The following ZNF483 variants were observed in gnomAD, a reference collection of about 807,000 sequenced individuals.
ZNF483 encodes zinc finger protein HIT-10.
In ZNF483, 9 loss-of-function variants were observed where a neutral mutation model predicts 28.6. The observed-to-expected ratio is 0.32, with a 90% confidence interval of 0.19 to 0.55. The LOEUF (loss-of-function observed/expected upper bound fraction) is 0.55, where lower values mean the gene tolerates loss of function less well. Ranked by LOEUF, ZNF483 falls within the 20% of genes least tolerant of loss-of-function variation. The pLI is 0.93. For synonymous variants in ZNF483, 322 were observed against 306.2 expected (o/e 1.05, Z -0.54); for missense variants, 675 against 871.7 (o/e 0.77, Z 2.84).
rs149050624 is a variant in ZNF483 at position 111,544,242 on chromosome 9, A to G, written c.*1072A>G. The G allele has an allele frequency of 3.4e-3, 3,319 of 985,420 alleles. 8 individuals are homozygous for G. The highest frequency in any genetic ancestry group is 3.8e-3 in the Non-Finnish European group (3,157 of 829,932). 61.0% of individuals were successfully genotyped at this position (985,420 alleles called of 1,614,324 possible). On this transcript the variant is annotated 3_prime_UTR_variant, in exon 6 of 6. Coordinates refer to ENST00000309235, the MANE Select transcript of ZNF483 (RefSeq NM_133464.5). Reference sequence around the variant, plus strand: ...TTTTGGTTTGCAAAAATTCTACTTTAAAACAATTTTGCCTGTAGCAAGTAC... The same window carrying G: ...TTTTGGTTTGCAAAAATTCTACTTTGAAACAATTTTGCCTGTAGCAAGTAC...
rs762961521 is a variant in ZNF483 at position 111,542,186 on chromosome 9, G to A, written c.1251G>A (p.Arg417=). 11 of 1,613,934 alleles carry A rather than the reference G, an allele frequency of 6.8e-6. No homozygotes were observed. The highest frequency in any genetic ancestry group is 4.4e-5 in the South Asian group (4 of 91,084). The change falls in exon 6 of 6, where the codon CGG becomes CGA. Residue 417 remains arginine (R), a synonymous_variant. Coordinates refer to ENST00000309235, the MANE Select transcript of ZNF483 (RefSeq NM_133464.5). This position sits in a 1 kb window ranked among gnomAD's most constrained non-coding sequence, Gnocchi z 6.2. ...AAACCCCTATGTGTGAGAAATGTCG[G>A]AAAGATTCATGTCAAGAAGCAGCCT... ...RRKTPMCEKC[R]KDSCQEAALN... is the part of the protein sequence containing the mutation.
intron 5 of ZNF483, among the ~76,000 whole-genome samples, chr9:111,571,426 TAAAC>T (rs1205672304): frequency 6.7e-6 from 1 of 149,418 alleles, no homozygotes; most frequent in Non-Finnish European, 1.5e-5. Flanking sequence ...AAAAAAGAAG[TAAAC>T]AAACAAAAGA....
chr9:111,533,112 T>C (rs548622431), intron 3 of ZNF483, among the ~76,000 whole-genome samples: 1 of 152,326 alleles, frequency 6.6e-6, no homozygotes, highest in African/African-American at 2.4e-5. Flanking sequence ...TGTAGTAAGC[T>C]TACATTAATT....
chr9:111,533,735 C>A lies in ZNF483; in HGVS notation c.502-4C>A. On this transcript the variant is annotated splice_region_variant and splice_polypyrimidine_tract_variant and intron_variant, in intron 3 of 5. Coordinates refer to ENST00000309235, the MANE Select transcript of ZNF483 (RefSeq NM_133464.5). ...CAATACAAAAGAGCTGTTTGGTGTT[C>A]TAGGAATCTATAACATTGAAGGATG... is the stretch of plus-strand genomic sequence containing the variant. 6.4e-7 allele frequency: 1 copy of A among 1,552,992 alleles called. No individual in the cohort carries two copies.
At position 111,542,172 on chromosome 9, in the gene ZNF483, T is replaced by G; in HGVS notation, c.1237T>G (p.Cys413Gly). 6.2e-7 allele frequency: 1 copy of G among 1,614,004 alleles called. No individual in the cohort carries two copies. Residue 413 changes from cysteine to glycine, a missense_variant, in exon 6 of 6, where the codon TGT becomes GGT. Physicochemically the swap from Cys to Gly is radical, Grantham distance 159. Transcript: ENST00000309235. This position sits in a 1 kb window ranked among gnomAD's most constrained non-coding sequence, Gnocchi z 6.2. Reference protein sequence around the residue: ...STLSRRKTPMCEKCRKDSCQE... With the variant: ...STLSRRKTPMGEKCRKDSCQE... ...TCTTTCTAGGAGAAAAACCCCTATG[T>G]GTGAGAAATGTCGGAAAGATTCATG...
intron 2 of ZNF483, among the ~76,000 whole-genome samples, chr9:111,528,466 T>A (rs1383227828): frequency 1.3e-5 from 2 of 152,222 alleles, no homozygotes; most frequent in African/African-American, 4.8e-5. Context: ...TACGGTGATA[T>A]CATTATAAAA....
chr9:111,547,275 G>A lies in ZNF483; in HGVS notation c.*4105G>A, dbSNP rs1269179462. On this transcript the variant is annotated 3_prime_UTR_variant, in exon 6 of 6. Coordinates refer to ENST00000309235, the MANE Select transcript of ZNF483 (RefSeq NM_133464.5). Reference sequence around the variant, plus strand: ...TTAAATTCCCACCAGCTATGTACAAGGGTTTCAGTATCCCCGCCCTTGCTA... The same window carrying A: ...TTAAATTCCCACCAGCTATGTACAAAGGTTTCAGTATCCCCGCCCTTGCTA... Among the ~76,000 whole-genome samples, 1 of 152,048 alleles carries A rather than the reference G, an allele frequency of 6.6e-6. No homozygotes were observed. Among genetic ancestry groups the A allele is most frequent in the African/African-American group, 2.4e-5 (1 of 41,428 alleles).
At chr9:111,576,228 G>GA (rs1829048222) in intron 5 of ZNF483, 2 of 817,054 alleles carry the variant, frequency 2.4e-6, no homozygotes, top group African/African-American at 3.5e-5. Context: ...CACTGAATAG[G>GA]AAAAAATATT....
At position 111,554,336 on chromosome 9, in the gene ZNF483, G is replaced by A. The variant is rs1589284276; in HGVS notation, c.*11166G>A. Among the ~76,000 whole-genome samples, 1 of 152,268 alleles carries A rather than the reference G, an allele frequency of 6.6e-6. No individual in the cohort carries two copies. On this transcript the variant is annotated 3_prime_UTR_variant, in exon 6 of 6. Coordinates refer to ENST00000309235, the MANE Select transcript of ZNF483 (RefSeq NM_133464.5). The stretch of plus-strand genomic sequence containing the variant: ...CACTTCTACTCTTCCGTTGCCCAGA[G>A]ATCAATCATATAACCCTAACCTAAC...
chr9:111,535,981 G>T (rs1347145681), intron 5 of ZNF483, among the ~76,000 whole-genome samples: 1 of 149,268 alleles, frequency 6.7e-6, no homozygotes. Context: ...CTGCCTCCTG[G>T]GTTCAAGCAA....
chr9:111,574,714 C>G (rs1453689329), intron 5 of ZNF483: 2 of 1,555,910 alleles, frequency 1.3e-6, no homozygotes, highest in East Asian at 4.6e-5. Flanking sequence ...CATATGGGAT[C>G]GTGTGCATGT....
chr9:111,570,261 G>A (rs965581152), intron 5 of ZNF483: 4 of 1,579,378 alleles, frequency 2.5e-6, no homozygotes, highest in Non-Finnish European at 3.4e-6. Flanking sequence ...GGTGCCCATG[G>A]TGAAACAAGC....
Position 111,543,883 on chromosome 9 carries a change from T to C in ZNF483, c.*713T>C. ...GATCCTTCCATCTCACTTTCCTGAG[T>C]AGCTGACATTACGGGTACACTCCAT... On this transcript the variant is annotated 3_prime_UTR_variant, in exon 6 of 6. Transcript: ENST00000309235. 1.0e-6 allele frequency: 1 copy of C among 983,970 alleles called. No homozygotes were observed. The highest frequency in any genetic ancestry group is 1.2e-6 in the Non-Finnish European group (1 of 828,976). 61.0% of individuals were successfully genotyped at this position (983,970 alleles called of 1,614,324 possible).
chr9:111,531,012 C>A, intron 3 of ZNF483, 49 bp downstream of exon 3: 2 of 924,710 alleles, frequency 2.2e-6, no homozygotes, highest in Non-Finnish European at 3.2e-6. Context: ...CTTAATTGAG[C>A]TCCTACTGAG....
chr9:111,538,322 C>T (rs1230807309), intron 5 of ZNF483, among the ~76,000 whole-genome samples: 1 of 151,978 alleles, frequency 6.6e-6, no homozygotes, highest in East Asian at 1.9e-4. Context: ...TGAGACCAGC[C>T]TGGGCAGCAT....
At chr9:111,573,865 T>A (rs1481324845) in intron 5 of ZNF483, among the ~76,000 whole-genome samples, 2 of 152,084 alleles carry the variant, frequency 1.3e-5, no homozygotes. Context: ...GGTTTCAGCA[T>A]AAGAGAGTAG....
At position 111,527,555 on chromosome 9, in the gene ZNF483, A is replaced by C. The variant is rs200931540; in HGVS notation, c.160A>C (p.Arg54=). 1.2e-6 allele frequency: 2 copies of C among 1,614,084 alleles called. No individual in the cohort carries two copies. The highest frequency in any genetic ancestry group is 1.3e-5 in the African/African-American group (1 of 74,920). ...NAADAESFRQ[R]FRWFCYSEVA... Reference sequence around the variant, plus strand: ...TGCTGATGCAGAGTCTTTCAGACAGAGGTTTAGGTGGTTTTGTTACTCAGA... The same window carrying C: ...TGCTGATGCAGAGTCTTTCAGACAGCGGTTTAGGTGGTTTTGTTACTCAGA... Residue 54 remains arginine (R), a synonymous_variant, in exon 2 of 6, where the codon AGG becomes CGG. Coordinates refer to ENST00000309235, the MANE Select transcript of ZNF483 (RefSeq NM_133464.5).
In ZNF483 at chr9:111,534,234, A is replaced by G. The variant is rs150324569; in HGVS notation, c.629-27A>G. On this transcript the variant is annotated intron_variant, in intron 4 of 5. Transcript: ENST00000309235. ...TATCTTTACTCTATGCAAAACAGCAATTTTCTGTTCTTTTCTCTATGAGCA... is the reference window on the plus strand; with the variant it reads ...TATCTTTACTCTATGCAAAACAGCAGTTTTCTGTTCTTTTCTCTATGAGCA... 5 of 1,601,318 alleles carry G rather than the reference A, an allele frequency of 3.1e-6. No individual in the cohort carries two copies. In the African/African-American group the frequency reaches 4.0e-5, roughly 13 times the overall value.
chr9:111,569,202 G>A (rs1339257872), intron 5 of ZNF483, among the ~76,000 whole-genome samples: 1 of 152,134 alleles, frequency 6.6e-6, no homozygotes, highest in Non-Finnish European at 1.5e-5. Flanking sequence ...CCAGCATACT[G>A]AGCCCAGACG....
Sources: gnomAD v4.1 joint callset for allele counts (sites outside exome capture counted in the v4.1 genomes callset) on GRCh38, gnomAD v4.1.1 for gene constraint, Gnocchi (gnomAD v3.1) non-coding constraint, MANE v1.5 for transcripts, NCBI Gene and HGNC (gene_info 2026-07-23, HGNC 2026-07-21) for gene names.